Variants in FGF13 observed in about 807,000 individuals in gnomAD.
FGF13 encodes fibroblast growth factor 13.
In FGF13, 2 loss-of-function variants were observed where a neutral mutation model predicts 19.5. The ratio of observed to expected loss-of-function variants is 0.10; its 90% CI spans 0.04 to 0.32. The LOEUF is 0.32. Among genes scored for constraint, FGF13 ranks in the 10% least tolerant of loss-of-function variants. FGF13 has a pLI of 1.00. For synonymous variants in FGF13, 72 were observed against 76.9 expected (o/e 0.94, Z 0.33); for missense variants, 113 against 192.7 (o/e 0.59, Z 2.45).
chrX:139,102,138 T>C (rs913107788), intron 1 of FGF13, among the ~76,000 whole-genome samples: 1 of 112,397 alleles, frequency 8.9e-6, no homozygotes, highest in Non-Finnish European at 1.9e-5. Context: ...TTTTATAGCA[T>C]GATAATTATT....
At position 138,630,646 on chromosome X, in the gene FGF13, G is replaced by T. The variant is rs2124085558; in HGVS notation, c.*2204C>A. The T allele has an allele frequency of 9.0e-6, 1 of 111,300 alleles. No individual in the cohort carries two copies. The highest frequency in any genetic ancestry group is 3.8e-4 in the South Asian group (1 of 2,610). 9.2% of individuals were successfully genotyped at this position (111,300 alleles called of 1,213,427 possible). On this transcript the variant is annotated 3_prime_UTR_variant, in exon 5 of 5. Transcript: ENST00000315930. ...AATCTGGTCCAAACATCTTAGAAAT[G>T]AGGAGTCTCCCCTCCTTGCAAAAGC...
intron 1 of FGF13, among the ~76,000 whole-genome samples, chrX:139,027,573 G>A (rs1169006791): frequency 4.5e-5 from 5 of 111,940 alleles, no homozygotes; most frequent in Non-Finnish European, 9.4e-5. Context: ...ACATCCAAAT[G>A]TATACACTGA....
intron 3 of FGF13, among the ~76,000 whole-genome samples, chrX:138,697,303 C>T (rs1199589504): frequency 9.0e-6 from 1 of 110,689 alleles, no homozygotes. Context: ...AGAGAAGAAA[C>T]GGTAAATTTA....
chrX:138,958,095 C>G (rs779980021), intron 1 of FGF13, among the ~76,000 whole-genome samples: 1 of 111,849 alleles, frequency 8.9e-6, no homozygotes, highest in African/African-American at 3.2e-5. Flanking sequence ...GGCCTCCCTG[C>G]CTTGTGCCAG....
intron 1 of FGF13, among the ~76,000 whole-genome samples, chrX:139,021,207 T>C (rs1244167967): frequency 9.0e-6 from 1 of 111,132 alleles, no homozygotes; most frequent in African/African-American, 3.3e-5. Flanking sequence ...CATTTACAAG[T>C]TAACAAAATT....
chrX:138,844,687 T>A lies in FGF13; in HGVS notation c.217+12825A>T, dbSNP rs2091170318. Among the ~76,000 whole-genome samples, 3 of 111,660 alleles carry A rather than the reference T, an allele frequency of 2.7e-5. No homozygotes were observed. In the South Asian group the frequency reaches 1.1e-3, roughly 42 times the overall value. On this transcript the variant is annotated intron_variant, in intron 3 of 6. Transcript: ENST00000436198. Reference sequence around the variant, plus strand: ...TTAGACCTCATTCTTTTGGTTTTCCTTCTTTTTCTTCTGGAGTCCTTTCTT... The same window carrying A: ...TTAGACCTCATTCTTTTGGTTTTCCATCTTTTTCTTCTGGAGTCCTTTCTT...
intron 1 of FGF13, among the ~76,000 whole-genome samples, chrX:138,982,634 C>G (rs1334190736): frequency 8.9e-6 from 1 of 111,983 alleles, no homozygotes; most frequent in Non-Finnish European, 1.9e-5. Context: ...AGAATCCATG[C>G]CCTCACAGAC....
chrX:139,131,634 G>A (rs1031902871), intron 1 of FGF13, among the ~76,000 whole-genome samples: 1 of 111,163 alleles, frequency 9.0e-6, no homozygotes, highest in Admixed American at 9.6e-5. Flanking sequence ...CTACTCAGGA[G>A]GCTGAAGTAG....
At chrX:139,053,367 G>A (rs754218630) in intron 1 of FGF13, among the ~76,000 whole-genome samples, 31 of 109,448 alleles carry the variant, frequency 2.8e-4, no homozygotes, top group Non-Finnish European at 4.2e-4. Flanking sequence ...ATTCCCACTA[G>A]CAGTGTAGAA....
In FGF13 at chrX:138,958,522, T is replaced by G. The variant is rs183588233; in HGVS notation, c.-112-93872A>C. On this transcript the variant is annotated intron_variant, in intron 1 of 2. Transcript: ENST00000421460. ...CTCTGCCAGGCTTTGGTATCAGGAT[T>G]ATGCTGGCCTCATAAAAAGAGTTAG... is the stretch of plus-strand genomic sequence containing the variant. Among the ~76,000 whole-genome samples the G allele has an allele frequency of 9.8e-5, 11 of 111,857 alleles. No individual in the cohort carries two copies. In the East Asian group the frequency reaches 1.1e-3, roughly 12 times the overall value.
chrX:139,186,868 C>A (rs142322407), intron 1 of FGF13, among the ~76,000 whole-genome samples: 1 of 111,994 alleles, frequency 8.9e-6, no homozygotes, highest in East Asian at 2.8e-4. Context: ...CTGATCCCAG[C>A]CGATCTCTCT....
chrX:139,141,557 T>C (rs1173186522), intron 1 of FGF13, among the ~76,000 whole-genome samples: 2 of 111,752 alleles, frequency 1.8e-5, no homozygotes, highest in Admixed American at 9.5e-5. Flanking sequence ...ATCATGGTAT[T>C]GTTTATTCTA....
At chrX:138,792,618 C>T (rs1252098467) in intron 3 of FGF13, among the ~76,000 whole-genome samples, 3 of 112,008 alleles carry the variant, frequency 2.7e-5, no homozygotes, top group South Asian at 3.8e-4. Flanking sequence ...TACTTTGTTT[C>T]AGTGAACAAA....
intron 3 of FGF13, among the ~76,000 whole-genome samples, chrX:138,819,249 G>GT (rs929694627): frequency 2.7e-5 from 3 of 110,549 alleles, no homozygotes; most frequent in Admixed American, 9.7e-5. Context: ...CCTCAGTGGG[G>GT]TTTTTTTAGG....
At chrX:138,637,762 G>A (rs776149800) in intron 3 of FGF13, among the ~76,000 whole-genome samples, 1 of 112,034 alleles carries the variant, frequency 8.9e-6, no homozygotes, top group East Asian at 2.8e-4. Flanking sequence ...GGAAAGAAAG[G>A]GAGGCTTACA....
In FGF13 at chrX:138,892,002, A is replaced by ATATATGTATGTGTGTGTGTGTG. The variant is rs756839627; in HGVS notation, c.-112-27353_-112-27352insCACACACACACACATACATATA. 5.7e-3 allele frequency among the ~76,000 whole-genome samples: 513 copies of ATATATGTATGTGTGTGTGTGTG among 90,358 alleles called. 6 individuals carry two copies. Among genetic ancestry groups the ATATATGTATGTGTGTGTGTGTG allele is most frequent in the African/African-American group, 0.02 (478 of 23,605 alleles). The allele number at this position is 90,358 out of a possible 115,157, so 78.5% of individuals were successfully genotyped here. A position where few individuals can be genotyped will look rare whatever the true frequency, so the allele number is the denominator to read the frequency against. Reference sequence around the variant, plus strand: ...TCTGTCTCTCTCTCTATATATACATATGTGTGTGTGTGTGTGTGTGTGTGT... The same window carrying ATATATGTATGTGTGTGTGTGTG: ...TCTGTCTCTCTCTCTATATATACATATATATGTATGTGTGTGTGTGTGTGTGTGTGTGTGTGTGTGTGTGTGT... On this transcript the variant is annotated intron_variant, in intron 1 of 2. Coordinates refer to the FGF13 transcript ENST00000421460.
Position 138,873,460 on chromosome X carries a change from T to C in FGF13, c.-112-8810A>G, listed in dbSNP as rs140678960. 2.7e-5 allele frequency among the ~76,000 whole-genome samples: 3 copies of C among 111,872 alleles called. No individual in the cohort carries two copies. In the East Asian group the frequency reaches 8.5e-4, roughly 32 times the overall value. On this transcript the variant is annotated intron_variant, in intron 1 of 2. Transcript: ENST00000421460. ...AGCAGCAATAAGGACGTGGGAAAGA[T>C]AATGTAGGTCATACATGGGAACAGG...
intron 3 of FGF13, among the ~76,000 whole-genome samples, chrX:138,763,172 A>G (rs1280595320): frequency 2.7e-5 from 3 of 111,071 alleles, no homozygotes; most frequent in Non-Finnish European, 5.6e-5. Context: ...ATATACATAT[A>G]TATATTTCAA....
At chrX:139,094,132 T>C (rs2083455566) in intron 1 of FGF13, among the ~76,000 whole-genome samples, 1 of 111,640 alleles carries the variant, frequency 9.0e-6, no homozygotes, top group South Asian at 3.8e-4. Context: ...TTTGTTTTTT[T>C]AGATGAATAT....
Sources: gnomAD v4.1 joint callset for allele counts (sites outside exome capture counted in the v4.1 genomes callset) on GRCh38, gnomAD v4.1.1 for gene constraint, MANE v1.5 for transcripts, NCBI Gene and HGNC (gene_info 2026-07-23, HGNC 2026-07-21) for gene names.